Variants in NACC2 observed in about 807,000 individuals in gnomAD.
The protein encoded by NACC2 is NACC family member 2.
In NACC2, 8 loss-of-function variants were observed where a neutral mutation model predicts 25.1. The ratio of observed to expected loss-of-function variants is 0.32; its 90% confidence interval spans 0.19 to 0.57. NACC2 has a LOEUF of 0.57. Among genes scored for constraint, NACC2 ranks in the 20% least tolerant of loss-of-function variants. NACC2 has a pLI of 0.89. For synonymous variants in NACC2, 435 were observed against 294.7 expected, an observed-to-expected ratio of 1.48 and a Z score of -4.88; for missense variants, 644 against 650.2, an observed-to-expected ratio of 0.99 and a Z score of 0.10.
rs533663162 is a variant in NACC2, at chr9:136,018,014, G to A, written c.887-1585C>T. Among the ~76,000 whole-genome samples the A allele has an allele frequency of 3.9e-5, 6 of 152,280 alleles. No individual in the cohort carries two copies. The highest frequency in any genetic ancestry group is 2.1e-4 in the South Asian group (1 of 4,828). ...GCCTCAGTGTGATGGGAAGTCCCCCGGTGGGGGGCGGGGGGCAGCTTGCAG... is the reference window on the plus strand; with the variant it reads ...GCCTCAGTGTGATGGGAAGTCCCCCAGTGGGGGGCGGGGGGCAGCTTGCAG... On this transcript the variant is annotated intron_variant, in intron 2 of 5. Transcript: ENST00000277554. The surrounding 1 kb of genome is among the most constrained non-coding windows in gnomAD (Gnocchi z 4.4).
intron 2 of NACC2, among the ~76,000 whole-genome samples, chr9:136,024,146 T>G (rs1382298717): frequency 1.6e-5 from 2 of 126,726 alleles, no homozygotes; most frequent in African/African-American, 6.6e-5. Context: ...AGTGTGTGTG[T>G]GGGGACAGAG....
In NACC2 at chr9:136,019,993, C is replaced by A. The variant is rs1169808345; in HGVS notation, c.887-3564G>T. ...GGGAAACAGAGGGTGGGTGCCGGGG[C>A]TGGGTGGGGGAACGGGGAGGGACCG... On this transcript the variant is annotated intron_variant, in intron 2 of 5. Transcript: ENST00000277554. The surrounding 1 kb of genome is among the most constrained non-coding windows in gnomAD (Gnocchi z 5.2). Among the ~76,000 whole-genome samples, 1 of 138,632 alleles carries A rather than the reference C, an allele frequency of 7.2e-6. No individual in the cohort carries two copies. The highest frequency in any genetic ancestry group is 2.6e-5 in the African/African-American group (1 of 38,608). The allele number at this position is 138,632 out of a possible 152,430, so 90.9% of individuals were successfully genotyped here.
intron 1 of NACC2, among the ~76,000 whole-genome samples, chr9:136,057,060 G>T (rs1840935571): frequency 6.6e-6 from 1 of 152,196 alleles, no homozygotes; most frequent in Admixed American, 6.5e-5. Context: ...GTACCTCGAG[G>T]GAGGGCTGGG....
At chr9:136,024,407 A>AGT (rs1178145599) in intron 2 of NACC2, among the ~76,000 whole-genome samples, 3 of 116,376 alleles carry the variant, frequency 2.6e-5, no homozygotes, top group East Asian at 2.7e-4. Context: ...GTGAGGACAG[A>AGT]GTGTGTGTGT....
chr9:136,044,772 C>T (rs931996880), intron 2 of NACC2, among the ~76,000 whole-genome samples: 5 of 152,238 alleles, frequency 3.3e-5, no homozygotes, highest in Non-Finnish European at 4.4e-5. Context: ...CCCTGCTCCC[C>T]GACCGGGCAG....
intron 1 of NACC2, among the ~76,000 whole-genome samples, chr9:136,093,316 G>C (rs955702270): frequency 2.6e-5 from 4 of 152,220 alleles, no homozygotes; most frequent in Non-Finnish European, 4.4e-5. Context: ...GGAAAACAAA[G>C]GGAGGATTGA....
intron 2 of NACC2, among the ~76,000 whole-genome samples, chr9:136,039,959 TG>T (rs1840603377): frequency 6.6e-6 from 1 of 152,162 alleles, no homozygotes; most frequent in East Asian, 1.9e-4. Context: ...TGATGGCCTA[TG>T]TAGGAAATGC....
intron 1 of NACC2, among the ~76,000 whole-genome samples, chr9:136,078,036 T>A (rs1830281519): frequency 6.6e-6 from 1 of 152,160 alleles, no homozygotes; most frequent in African/African-American, 2.4e-5. Context: ...CCTCCCAAAG[T>A]GCTGGGATTA....
chr9:136,012,652 GTTTTTTTTT>G (rs540279008), intron 5 of NACC2, among the ~76,000 whole-genome samples: 8 of 133,134 alleles, frequency 6.0e-5, no homozygotes, highest in East Asian at 2.2e-4. Context: ...GCCTCACAAG[GTTTTTTTTT>G]TTTTTTTTTT....
intron 2 of NACC2, among the ~76,000 whole-genome samples, chr9:136,026,797 T>A (rs1281390613): frequency 6.6e-6 from 1 of 152,206 alleles, no homozygotes; most frequent in Non-Finnish European, 1.5e-5. Flanking sequence ...AATACCTGAT[T>A]AATCAGAAAG....
rs538642643 is a variant in NACC2, at chr9:136,008,092, C to T, written c.*3424G>A. The T allele has an allele frequency of 6.6e-6, 1 of 152,418 alleles. No homozygotes were observed. The highest frequency in any genetic ancestry group is 2.1e-4 in the South Asian group (1 of 4,830). 9.4% of individuals were successfully genotyped at this position (152,418 alleles called of 1,614,324 possible). The stretch of plus-strand genomic sequence containing the variant: ...AGGCGGGTCCTGCTGACCTCTTGCC[C>T]ACAGCTTTGTCCACATTCAGGGGCA... On this transcript the variant is annotated 3_prime_UTR_variant, in exon 6 of 6. Transcript: ENST00000277554.
At chr9:136,048,169 C>G (rs1243244883) in intron 2 of NACC2, among the ~76,000 whole-genome samples, 1 of 152,214 alleles carries the variant, frequency 6.6e-6, no homozygotes, top group Non-Finnish European at 1.5e-5. Context: ...GGGGTTCTGC[C>G]CTGGGACTGG....
At chr9:136,079,698 G>A (rs922740371) in intron 1 of NACC2, among the ~76,000 whole-genome samples, 5 of 152,206 alleles carry the variant, frequency 3.3e-5, no homozygotes, top group Non-Finnish European at 4.4e-5. Context: ...GGTCACCAGA[G>A]CCCTGGAGCG....
chr9:136,045,444 G>A (rs563176985), intron 2 of NACC2, among the ~76,000 whole-genome samples: 8 of 131,812 alleles, frequency 6.1e-5, no homozygotes, highest in East Asian at 4.5e-4. Context: ...ATACCCAGGC[G>A]TGGCTTTGTC....
At chr9:136,039,180 A>C (rs974908461) in intron 2 of NACC2, among the ~76,000 whole-genome samples, 5 of 152,256 alleles carry the variant, frequency 3.3e-5, no homozygotes, top group African/African-American at 1.2e-4. Flanking sequence ...TGCTATGGTG[A>C]TATCAAAGTG....
Position 136,018,421 on chromosome 9 carries a change from G to C in NACC2, c.887-1992C>G, listed in dbSNP as rs1034947570. Among the ~76,000 whole-genome samples the C allele has an allele frequency of 3.9e-5, 6 of 152,052 alleles. No homozygotes were observed. Among genetic ancestry groups the C allele is most frequent in the Non-Finnish European group, 8.8e-5 (6 of 67,984 alleles). On this transcript the variant is annotated intron_variant, in intron 2 of 5. Coordinates refer to ENST00000277554, the MANE Select transcript of NACC2 (RefSeq NM_144653.5). This position sits in a 1 kb window ranked among gnomAD's most constrained non-coding sequence, Gnocchi z 4.4. Reference sequence around the variant, plus strand: ...TTGGTTTCTGAGGACCCCACATCCTGAATCCACAGCGGGCGCCCCACTGAA... The same window carrying C: ...TTGGTTTCTGAGGACCCCACATCCTCAATCCACAGCGGGCGCCCCACTGAA...
chr9:136,052,544 T>C (rs4454361), intron 1 of NACC2, among the ~76,000 whole-genome samples: 142,937 of 152,004 alleles, frequency 0.94, 67,703 homozygotes, highest in Non-Finnish European at 1. Flanking sequence ...AGTGGGTGGG[T>C]GAGGCGGCAC....
intron 1 of NACC2, among the ~76,000 whole-genome samples, chr9:136,067,825 G>T (rs12685145): frequency 1.3e-5 from 2 of 152,090 alleles, no homozygotes; most frequent in Admixed American, 1.3e-4. Flanking sequence ...AGGGCGAGAC[G>T]CCATCTCAAA....
chr9:136,040,121 G>A (rs1840606107), intron 2 of NACC2, among the ~76,000 whole-genome samples: 1 of 152,060 alleles, frequency 6.6e-6, no homozygotes, highest in Non-Finnish European at 1.5e-5. Context: ...TGAGGCGGGT[G>A]GATTACAAGG....
Sources: allele counts gnomAD v4.1 joint callset (sites outside exome capture counted in the v4.1 genomes callset), GRCh38; gene constraint gnomAD v4.1.1; non-coding constraint Gnocchi (gnomAD v3.1); transcripts MANE v1.5; gene names NCBI Gene and HGNC (gene_info 2026-07-23, HGNC 2026-07-21).